The following PCTP variants were observed in gnomAD, a reference collection of about 807,000 sequenced individuals.
The protein encoded by PCTP is START domain-containing protein 2.
Under a neutral mutation model 31.0 loss-of-function variants are expected in PCTP, and 27 were observed. The ratio of observed to expected loss-of-function variants is 0.87; its 90% CI spans 0.64 to 1.20. The LOEUF is 1.20. Ranked by LOEUF, PCTP falls within the 50% of genes most tolerant of loss-of-function variation. The pLI is 0.00. For synonymous variants in PCTP, 108 were observed against 101.2 expected (o/e 1.07, Z -0.40); for missense variants, 287 against 268.2 (o/e 1.07, Z -0.49).
downstream of PCTP, among the ~76,000 whole-genome samples, chr17:55,826,355 G>C (rs1905396773): frequency 6.6e-6 from 1 of 152,048 alleles, no homozygotes; most frequent in African/African-American, 2.4e-5. Context: ...ATCTAGAGCA[G>C]GGTTGCCAGA....
Position 55,773,859 on chromosome 17 carries a change from C to CT in PCTP, c.476dup (p.Ala160GlyfsTer5), listed in dbSNP as rs1402519349. On this transcript the variant is annotated frameshift_variant, in exon 4 of 6. Transcript: ENST00000268896. LOFTEE classifies it high-confidence loss of function. ...CCGGGTGAAGCAATACAAGCAGAGC[C>CT]TGGCGATCGAGAGTGACGGCAAGAA... The CT allele has an allele frequency of 6.2e-7, 1 of 1,612,176 alleles. No homozygotes were observed. The highest frequency in any genetic ancestry group is 1.1e-5 in the South Asian group (1 of 90,938).
intron 2 of PCTP, among the ~76,000 whole-genome samples, chr17:55,786,833 C>G (rs1237017450): frequency 6.6e-6 from 1 of 152,174 alleles, no homozygotes; most frequent in African/African-American, 2.4e-5. Flanking sequence ...CCACCGTTTC[C>G]AATGAGAGCA....
At chr17:55,774,676 A>G (rs1911208816) in intron 4 of PCTP, 116 bp from the exon 5 acceptor site, 6 of 803,662 alleles carry the variant, frequency 7.5e-6, no homozygotes, top group Non-Finnish European at 1.3e-5. Flanking sequence ...ATTATATGCT[A>G]CCTCCCTCTG....
downstream of PCTP, among the ~76,000 whole-genome samples, chr17:55,843,625 A>G (rs958933141): frequency 2.0e-5 from 3 of 152,238 alleles, no homozygotes; most frequent in Non-Finnish European, 4.4e-5. Flanking sequence ...AGTCAGACTG[A>G]ATAGGGATCT....
intron 3 of PCTP, 159 bp downstream of exon 3, chr17:55,771,344 T>C (rs1287923554): frequency 4.6e-6 from 3 of 645,792 alleles, no homozygotes; most frequent in Non-Finnish European, 8.2e-6. Context: ...TTGCTTCTTG[T>C]ATGGTGTTTG....
intron 3 of PCTP, among the ~76,000 whole-genome samples, chr17:55,818,136 G>C (rs1394720590): frequency 2.0e-5 from 3 of 152,212 alleles, no homozygotes; most frequent in Non-Finnish European, 2.9e-5. Flanking sequence ...AGTTAGCCAG[G>C]CATCTGGAAG....
chr17:55,840,801 A>G (rs761678972), intron 5 of PCTP, among the ~76,000 whole-genome samples: 7 of 152,244 alleles, frequency 4.6e-5, no homozygotes, highest in Non-Finnish European at 7.3e-5. Context: ...AAAATCTGAA[A>G]TGCTCTAAAA....
intron 3 of PCTP, among the ~76,000 whole-genome samples, chr17:55,822,400 A>G (rs183255297): frequency 1.8e-4 from 27 of 152,256 alleles, no homozygotes; most frequent in African/African-American, 5.8e-4. Flanking sequence ...CTCTTCTTGG[A>G]CAAAAGATGA....
At chr17:55,829,836 A>C (rs528916639) in intron 5 of PCTP, among the ~76,000 whole-genome samples, 7 of 152,314 alleles carry the variant, frequency 4.6e-5, no homozygotes, top group African/African-American at 1.7e-4. Flanking sequence ...CAGACAATGC[A>C]TTCAGCTTTT....
intron 2 of PCTP, among the ~76,000 whole-genome samples, chr17:55,784,625 G>A (rs1911683348): frequency 6.6e-6 from 1 of 152,154 alleles, no homozygotes; most frequent in East Asian, 1.9e-4. Flanking sequence ...ACAGGGAGCA[G>A]CTGACATGTA....
chr17:55,792,172 G>T (rs182392014), intron 3 of PCTP, among the ~76,000 whole-genome samples: 1 of 109,766 alleles, frequency 9.1e-6, no homozygotes, highest in African/African-American at 3.5e-5. Flanking sequence ...GGGGGGAGGG[G>T]GGAGGGTTAG....
chr17:55,751,539 T>A, intron 1 of PCTP: 2 of 1,425,138 alleles, frequency 1.4e-6, no homozygotes, highest in Non-Finnish European at 1.9e-6. Flanking sequence ...GTCAGCTGGT[T>A]CCTAGGCCCG....
rs148659698 is a variant in PCTP at position 55,836,335 on chromosome 17, C to A, written n.506-6392C>A. ...TTTGACAACTGATACTACTTGTGTACACTGTAAACTAAAAAAGAGTGGTTT... is the reference window on the plus strand; with the variant it reads ...TTTGACAACTGATACTACTTGTGTAAACTGTAAACTAAAAAAGAGTGGTTT... On this transcript the variant is annotated intron_variant and non_coding_transcript_variant, in intron 5 of 5. Coordinates refer to the PCTP transcript ENST00000576221. Among the ~76,000 whole-genome samples the A allele has an allele frequency of 3.3e-3, 506 of 152,298 alleles. 3 individuals carry two copies. Among genetic ancestry groups the A allele is most frequent in the Non-Finnish European group, 6.0e-3 (409 of 68,020 alleles).
At chr17:55,817,172 G>A (rs1912946215) in intron 3 of PCTP, among the ~76,000 whole-genome samples, 2 of 152,192 alleles carry the variant, frequency 1.3e-5, no homozygotes, top group Non-Finnish European at 1.5e-5. Flanking sequence ...AATGAAAATA[G>A]CATGTGTGTT....
At chr17:55,820,228 G>A (rs765562277) in intron 3 of PCTP, among the ~76,000 whole-genome samples, 1 of 152,174 alleles carries the variant, frequency 6.6e-6, no homozygotes, top group Non-Finnish European at 1.5e-5. Flanking sequence ...AAAGTGACAA[G>A]ACAATGCACA....
chr17:55,811,246 C>G (rs1246130653), intron 3 of PCTP, among the ~76,000 whole-genome samples: 3 of 152,110 alleles, frequency 2.0e-5, no homozygotes, highest in Non-Finnish European at 1.5e-5. Context: ...TATAGAGAGG[C>G]AAAAACATGA....
intron 1 of PCTP, among the ~76,000 whole-genome samples, chr17:55,758,358 A>G (rs547302419): frequency 6.6e-6 from 1 of 152,322 alleles, no homozygotes; most frequent in Non-Finnish European, 1.5e-5. Flanking sequence ...AAAGACCAGC[A>G]TGACTGGAAA....
chr17:55,803,323 T>C (rs917132767), intron 3 of PCTP, among the ~76,000 whole-genome samples: 1 of 152,186 alleles, frequency 6.6e-6, no homozygotes, highest in African/African-American at 2.4e-5. Context: ...TCCATCAAGC[T>C]ACCATTGACT....
chr17:55,756,455 A>G (rs1373765203), intron 1 of PCTP, among the ~76,000 whole-genome samples: 1 of 152,132 alleles, frequency 6.6e-6, no homozygotes, highest in African/African-American at 2.4e-5. Context: ...GAATAATGCA[A>G]ATATCTGGAG....
Sources: allele counts gnomAD v4.1 joint callset (sites outside exome capture counted in the v4.1 genomes callset), GRCh38; gene constraint gnomAD v4.1.1; transcripts MANE v1.5; gene names NCBI Gene and HGNC (gene_info 2026-07-23, HGNC 2026-07-21).